Variants in TPCN2 observed in about 807,000 individuals in gnomAD.
TPCN2 encodes the protein two pore channel protein 2.
TPCN2 carries 92 observed loss-of-function variants against 111.4 expected under a neutral mutation model. The observed-to-expected ratio is 0.83, with a 90% CI of 0.70 to 0.98. The LOEUF (loss-of-function observed/expected upper bound fraction) is 0.98. Among genes scored for constraint, TPCN2 ranks in the 50% least tolerant of loss-of-function variants. TPCN2 has a pLI of 0.00. For missense variants in TPCN2, 995 were observed against 980.1 expected (o/e 1.02, Z -0.20); for synonymous variants, 405 against 414.5 (o/e 0.98, Z 0.28).
Position 69,084,012 on chromosome 11 carries a change from T to C in TPCN2, c.1757T>C (p.Leu586Pro), listed in dbSNP as rs757771718. ...AACATGCGTGCGTTTGGCGGGATCC[T>C]GGTGGTGAGTCCCAGGCTGCTGCTG... The part of the protein sequence containing the change: ...VQNMRAFGGI[L>P]VVVYYVFAII... Residue 586 changes from leucine (L) to proline (P), a missense_variant, in exon 19 of 25, where the codon CTG (leucine) becomes CCG (proline). Transcript: ENST00000294309. 6.2e-7 allele frequency: 1 copy of C among 1,614,064 alleles called. No homozygotes were observed. Among genetic ancestry groups the C allele is most frequent in the South Asian group, 1.1e-5 (1 of 91,078 alleles).
chr11:69,063,016 C>T (rs1855091015), intron 6 of TPCN2, 26 bp downstream of exon 6: 3 of 1,606,630 alleles, frequency 1.9e-6, no homozygotes, highest in African/African-American at 2.7e-5. Context: ...TCTGGGCTCG[C>T]AGGGTTGGGA....
chr11:69,057,080 C>T (rs925864496), intron 4 of TPCN2, among the ~76,000 whole-genome samples: 11 of 149,060 alleles, frequency 7.4e-5, no homozygotes, highest in East Asian at 2.0e-4. Flanking sequence ...TTGAGTGATC[C>T]GCCCACCTCG....
At chr11:69,057,735 G>A (rs199810994) in intron 5 of TPCN2, 41 bp downstream of exon 5, 69 of 1,588,578 alleles carry the variant, frequency 4.3e-5, no homozygotes, top group Non-Finnish European at 5.8e-5. Context: ...GAGAGATCTG[G>A]GGCTGGTGTG....
chr11:69,049,736 C>T (rs1861133073), intron 1 of TPCN2, among the ~76,000 whole-genome samples: 1 of 152,192 alleles, frequency 6.6e-6, no homozygotes, highest in Admixed American at 6.5e-5. Flanking sequence ...CCCAGAGTCC[C>T]CTCTGCACTC....
chr11:69,086,958 C>T (rs1379533973), intron 23 of TPCN2, among the ~76,000 whole-genome samples, 154 bp from the exon 24 acceptor site: 1 of 152,182 alleles, frequency 6.6e-6, no homozygotes, highest in Admixed American at 6.5e-5. Context: ...CAGGAGGAGC[C>T]AGCAGCCTCG....
chr11:69,054,205 G>A, intron 2 of TPCN2, 108 bp downstream of exon 2: 1 of 875,374 alleles, frequency 1.1e-6, no homozygotes. Flanking sequence ...TTGCTGGACT[G>A]TAGGTTAAGA....
Position 69,085,949 on chromosome 11 carries a change from G to A in TPCN2, c.2003+19G>A, listed in dbSNP as rs754283723. 3.7e-6 allele frequency: 6 copies of A among 1,609,288 alleles called. No homozygotes were observed. In the South Asian group the frequency reaches 6.6e-5, roughly 18 times the overall value. ...CAGGCCCGTGAGTCCTCGTCTCCCT[G>A]ACGGCAGTGATTCTCCGTGCAGCCT... On this transcript the variant is annotated intron_variant, in intron 22 of 24. Transcript: ENST00000294309.
intron 17 of TPCN2, 72 bp downstream of exon 17, chr11:69,079,955 C>A: frequency 6.9e-7 from 1 of 1,440,190 alleles, no homozygotes; most frequent in South Asian, 1.2e-5. Flanking sequence ...GGGAGGGTCT[C>A]AGTGGTGTCC....
At position 69,087,216 on chromosome 11, in the gene TPCN2, T is replaced by G. The variant is rs1392465653; in HGVS notation, c.2180+10T>G. ...TGGAGCTCCTGTTCAGGTGTGTGGG[T>G]GGGGAAGGCGCTTCTGTCTGGCCCC... On this transcript the variant is annotated intron_variant, in intron 24 of 24. Transcript: ENST00000294309. 6.2e-7 allele frequency: 1 copy of G among 1,611,982 alleles called. No homozygotes were observed. Among genetic ancestry groups the G allele is most frequent in the Non-Finnish European group, 8.5e-7 (1 of 1,178,792 alleles).
At chr11:69,086,463 G>A in intron 22 of TPCN2, 60 bp from the exon 23 acceptor site, 3 of 1,421,934 alleles carry the variant, frequency 2.1e-6, no homozygotes, top group East Asian at 2.3e-5. Flanking sequence ...AGTGGTGTTT[G>A]TATCGAGTGC....
At chr11:69,083,666 A>C (rs1856141791) in intron 18 of TPCN2, among the ~76,000 whole-genome samples, 1 of 151,908 alleles carries the variant, frequency 6.6e-6, no homozygotes, top group Admixed American at 6.6e-5. Flanking sequence ...TGGGTGAGTG[A>C]GTGCGTGCGG....
At position 69,081,604 on chromosome 11, in the gene TPCN2, C is replaced by T. The variant is rs528099491; in HGVS notation, c.1689+105C>T. ...GCAGGAAGGGCCCGAGGACTGTGCC[C>T]GTCACCCTGGGCTCCCTGGCTGCAC... On this transcript the variant is annotated intron_variant, in intron 18 of 24. Transcript: ENST00000294309. 185 of 798,970 alleles carry T rather than the reference C, an allele frequency of 2.3e-4. 2 individuals are homozygous for T. The African/African-American group carries it at 3.0e-3, about 13-fold the overall frequency. The allele number at this position is 798,970 out of a possible 1,614,324, so 49.5% of individuals were successfully genotyped here.
chr11:69,074,553 C>T (rs116884934), intron 13 of TPCN2, among the ~76,000 whole-genome samples: 13,467 of 147,260 alleles, frequency 0.091, 835 homozygotes, highest in Non-Finnish European at 0.13. Context: ...GGCGCTTGTC[C>T]TAGGGGCGGA....
At chr11:69,081,142 G>T (rs915693692) in intron 17 of TPCN2, among the ~76,000 whole-genome samples, 6 of 151,888 alleles carry the variant, frequency 4.0e-5, no homozygotes, top group Non-Finnish European at 8.8e-5. Context: ...CAGCCTTCCC[G>T]CAAGGGCTGG....
chr11:69,052,529 G>A (rs1330686553), intron 1 of TPCN2, among the ~76,000 whole-genome samples: 1 of 152,126 alleles, frequency 6.6e-6, no homozygotes, highest in East Asian at 1.9e-4. Flanking sequence ...TCTCGTGGCT[G>A]TGCATGTGGG....
rs368766379 is a variant in TPCN2, at chr11:69,071,426, C to T, written c.960+6C>T. On this transcript the variant is annotated splice_donor_region_variant and intron_variant, in intron 10 of 24. Transcript: ENST00000294309. ...AGTTCCGGGGCTACCTGATGGTGAG[C>T]GAGCTCCCCAATGCTGGCTGTGCCT... 54 of 1,611,952 alleles carry T rather than the reference C, an allele frequency of 3.3e-5. No homozygotes were observed. The highest frequency in any genetic ancestry group is 1.1e-4 in the African/African-American group (8 of 74,900).
chr11:69,054,727 T>C lies in TPCN2; in HGVS notation c.181T>C (p.Ser61Pro), dbSNP rs1442926935. ...VFIEDAIQYR[S>P]INHRVDASSM... ...TGTGACTTTTCGCTTGTAGTACCGC[T>C]CCATCAACCACCGGGTGGATGCCAG... Residue 61 changes from serine (S) to proline (P), a missense_variant, in exon 3 of 25, where the codon TCC becomes CCC. Physicochemically the swap from Ser to Pro is moderately conservative, Grantham distance 74 (BLOSUM62 -1). Transcript: ENST00000294309. 6.2e-7 allele frequency: 1 copy of C among 1,614,134 alleles called. No individual in the cohort carries two copies. Among genetic ancestry groups the C allele is most frequent in the Non-Finnish European group, 8.5e-7 (1 of 1,179,990 alleles).
chr11:69,067,889 T>C lies in TPCN2; in HGVS notation c.829+284T>C, dbSNP rs1036305415. On this transcript the variant is annotated intron_variant, in intron 8 of 24. Transcript: ENST00000294309. ...CTCCTCCCTTTTTCTTTTCATCTCC[T>C]CTTCCTCCTTGTCTACTCACTCCTC... Among the ~76,000 whole-genome samples the C allele has an allele frequency of 1.1e-4, 17 of 152,284 alleles. No individual in the cohort carries two copies. The East Asian group carries it at 2.7e-3, about 24-fold the overall frequency.
In TPCN2 at chr11:69,057,651, C is replaced by G. The variant is rs371230972; in HGVS notation, c.503C>G (p.Ser168Cys). 2.5e-6 allele frequency: 4 copies of G among 1,614,190 alleles called. No homozygotes were observed. Among genetic ancestry groups the G allele is most frequent in the Non-Finnish European group, 3.4e-6 (4 of 1,180,022 alleles). The change falls in exon 5 of 25, where the codon TCT (serine) becomes TGT (cysteine). Residue 168 changes from serine (S) to cysteine (C), a missense_variant. Physicochemically the swap from Ser to Cys is moderately radical, Grantham distance 112. Transcript: ENST00000294309. ...GGCTACCTCGTGGTGCTGGTGGTGT[C>G]TCTGGTGGACTGGACCGTGTCCCTG... ...LLGYLVVLVV[S>C]LVDWTVSLSL...
Sources: allele counts gnomAD v4.1 joint callset (sites outside exome capture counted in the v4.1 genomes callset), GRCh38; gene constraint gnomAD v4.1.1; transcripts MANE v1.5; gene names NCBI Gene and HGNC (gene_info 2026-07-23, HGNC 2026-07-21).